DCK: variants seen among roughly 807,000 people sequenced by gnomAD.
DCK encodes the protein deoxycytidine kinase, also known as deoxyadenosine kinase.
A neutral mutation model predicts 38.3 loss-of-function variants in DCK; 23 were observed. That is an observed-to-expected ratio of 0.60 (90% CI 0.43 to 0.85). The LOEUF (loss-of-function observed/expected upper bound fraction) is 0.85, where lower values mean the gene tolerates loss of function less well. Among genes scored for constraint, DCK ranks in the 40% least tolerant of loss-of-function variants. The pLI is 0.00. For synonymous variants in DCK, 108 were observed against 100.6 expected (o/e 1.07, Z -0.44); for missense variants, 259 against 304.4 (o/e 0.85, Z 1.11).
intron 4 of DCK, among the ~76,000 whole-genome samples, chr4:71,024,724 G>A (rs1308464033): frequency 6.6e-6 from 1 of 151,520 alleles, no homozygotes; most frequent in East Asian, 1.9e-4. Flanking sequence ...GAATTTTTTT[G>A]TTTTTAATTA....
In DCK at chr4:71,025,003, A is replaced by G. The variant is rs571162923; in HGVS notation, c.550-813A>G. 1.6e-3 allele frequency among the ~76,000 whole-genome samples: 242 copies of G among 152,184 alleles called. 1 individual carries two copies. The highest frequency in any genetic ancestry group is 5.7e-3 in the African/African-American group (236 of 41,572). The stretch of plus-strand genomic sequence containing the variant: ...GATGAAAGGATTGTTTAATTATTGA[A>G]AAGAGAATTTAGAGTAGAGTTTGAA... On this transcript the variant is annotated intron_variant, in intron 4 of 6. Transcript: ENST00000286648.
At chr4:71,011,928 CT>C (rs1740099258) in intron 2 of DCK, among the ~76,000 whole-genome samples, 1 of 152,048 alleles carries the variant, frequency 6.6e-6, no homozygotes, top group African/African-American at 2.4e-5. Context: ...CTGTATGTAT[CT>C]TTTACATAGT....
chr4:71,016,008 T>C lies in DCK; in HGVS notation c.208-6359T>C, dbSNP rs539144368. Among the ~76,000 whole-genome samples, 67 of 152,322 alleles carry C rather than the reference T, an allele frequency of 4.4e-4. 1 individual carries two copies. The highest frequency in any genetic ancestry group is 1.4e-3 in the African/African-American group (59 of 41,578). On this transcript the variant is annotated intron_variant, in intron 2 of 6. Transcript: ENST00000286648. ...AAGTCAAATTGTCCCTGTTTGCAGA[T>C]GACATGATTGTATATTTAGAAAACC...
intron 2 of DCK, among the ~76,000 whole-genome samples, chr4:71,005,986 C>T (rs1739929064): frequency 6.7e-6 from 1 of 149,672 alleles, no homozygotes; most frequent in Non-Finnish European, 1.5e-5. Context: ...ATTAGCTGGG[C>T]GTGGTGGTGG....
At chr4:71,012,190 C>T (rs1249527766) in intron 2 of DCK, among the ~76,000 whole-genome samples, 1 of 152,098 alleles carries the variant, frequency 6.6e-6, no homozygotes, top group Non-Finnish European at 1.5e-5. Flanking sequence ...GTCTGAGATC[C>T]AACTGCAAGG....
Position 71,011,542 on chromosome 4 carries a change from C to T in DCK, c.208-10825C>T, listed in dbSNP as rs573108399. On this transcript the variant is annotated intron_variant, in intron 2 of 6. Coordinates refer to ENST00000286648, the MANE Select transcript of DCK (RefSeq NM_000788.3). ...CGGCTAATTTTTGTATTTTTTATAG[C>T]GATAGGATTTTGCCAATGTTGTCTG... 2.6e-4 allele frequency among the ~76,000 whole-genome samples: 39 copies of T among 152,102 alleles called. 1 individual carries two copies. The highest frequency in any genetic ancestry group is 1.0e-3 in the South Asian group (5 of 4,806).
Position 71,029,402 on chromosome 4 carries a change from CAA to C in DCK, c.*26_*27del, listed in dbSNP as rs1166365938. On this transcript the variant is annotated 3_prime_UTR_variant, in exon 7 of 7. Transcript: ENST00000286648. Reference sequence around the variant, plus strand: ...GATCTTGCTGAAGACTACAGGCAGCCAAATGGTTCCAGATACTTCAGCTTTGT... The same window carrying C: ...GATCTTGCTGAAGACTACAGGCAGCCATGGTTCCAGATACTTCAGCTTTGT... The C allele has an allele frequency of 1.3e-6, 2 of 1,583,786 alleles. No individual in the cohort carries two copies. The highest frequency in any genetic ancestry group is 1.7e-6 in the Non-Finnish European group (2 of 1,153,382).
intron 2 of DCK, among the ~76,000 whole-genome samples, chr4:70,999,332 C>T (rs1739731878): frequency 6.6e-6 from 1 of 152,144 alleles, no homozygotes; most frequent in South Asian, 2.1e-4. Context: ...CATCCATGTC[C>T]CTGCAAAGGT....
chr4:71,006,100 C>CAA (rs1341554941), intron 2 of DCK, among the ~76,000 whole-genome samples: 3 of 20,474 alleles, frequency 1.5e-4, no homozygotes, highest in African/African-American at 5.0e-4. Flanking sequence ...CACTCCATCT[C>CAA]AAAAAAAAAA....
At chr4:70,996,748 T>C (rs1181602090) in intron 1 of DCK, among the ~76,000 whole-genome samples, 2 of 152,240 alleles carry the variant, frequency 1.3e-5, no homozygotes, top group Admixed American at 6.5e-5. Flanking sequence ...CATCTTCTTA[T>C]GTTCTGTGTT....
At chr4:71,027,680 A>G (rs1740576432) in intron 6 of DCK, among the ~76,000 whole-genome samples, 1 of 152,160 alleles carries the variant, frequency 6.6e-6, no homozygotes, top group Non-Finnish European at 1.5e-5. Context: ...TTATGTAACT[A>G]CTGTAGCGTA....
chr4:71,005,039 C>A (rs1228812888), intron 2 of DCK, among the ~76,000 whole-genome samples: 1 of 152,114 alleles, frequency 6.6e-6, no homozygotes, highest in Non-Finnish European at 1.5e-5. Context: ...TGAAAAAAAA[C>A]TCCTGCAGCT....
intron 2 of DCK, among the ~76,000 whole-genome samples, chr4:71,018,550 A>G (rs914661574): frequency 2.0e-5 from 3 of 151,916 alleles, no homozygotes; most frequent in Non-Finnish European, 4.4e-5. Flanking sequence ...ACCAATTTGT[A>G]TTTAATGTAG....
chr4:71,001,853 T>C (rs1668153270), intron 2 of DCK, among the ~76,000 whole-genome samples: 1 of 152,204 alleles, frequency 6.6e-6, no homozygotes, highest in Non-Finnish European at 1.5e-5. Context: ...TATTTGATTC[T>C]TCCCGCTTTT....
intron 2 of DCK, among the ~76,000 whole-genome samples, chr4:71,004,776 C>G (rs1471233624): frequency 6.6e-6 from 1 of 152,210 alleles, no homozygotes; most frequent in African/African-American, 2.4e-5. Flanking sequence ...AAACCACCTA[C>G]TGAAGTCTCA....
At chr4:71,019,026 A>G (rs1740343423) in intron 2 of DCK, among the ~76,000 whole-genome samples, 1 of 152,134 alleles carries the variant, frequency 6.6e-6, no homozygotes, top group South Asian at 2.1e-4. Context: ...AACCCTAGCA[A>G]TTTGTCTCAA....
intron 2 of DCK, among the ~76,000 whole-genome samples, chr4:71,006,117 G>A (rs912318972): frequency 0.011 from 381 of 35,798 alleles, no homozygotes; most frequent in African/African-American, 0.021. Context: ...AAAAAAAACA[G>A]AAAAAACAAA....
intron 1 of DCK, 77 bp from the exon 2 acceptor site, chr4:70,997,990 T>C (rs1016730489): frequency 1.7e-6 from 1 of 597,180 alleles, no homozygotes; most frequent in Non-Finnish European, 2.9e-6. Context: ...TTGTAAATCT[T>C]GCAAAAGCTA....
intron 2 of DCK, among the ~76,000 whole-genome samples, chr4:70,999,295 C>T (rs1400571633): frequency 1.3e-5 from 2 of 152,086 alleles, no homozygotes; most frequent in African/African-American, 2.4e-5. Flanking sequence ...CCTGTGTTAG[C>T]TTGCTGAGAT....
Sources: allele counts gnomAD v4.1 joint callset (sites outside exome capture counted in the v4.1 genomes callset), GRCh38; gene constraint gnomAD v4.1.1; transcripts MANE v1.5; gene names NCBI Gene and HGNC (gene_info 2026-07-23, HGNC 2026-07-21).